The following BCAS3 variants were observed in gnomAD, a reference collection of about 807,000 sequenced individuals.
BCAS3 encodes BCAS4/BCAS3 fusion.
BCAS3 carries 53 observed loss-of-function variants against 116.1 expected under a neutral mutation model. The ratio of observed to expected loss-of-function variants is 0.46; its 90% CI spans 0.37 to 0.57. The LOEUF is 0.57. Ranked by LOEUF, BCAS3 falls within the 20% of genes least tolerant of loss-of-function variation. The probability of loss-of-function intolerance (pLI) is 0.00; values close to 1 mark genes in which losing one functional copy is unlikely to be tolerated. For missense variants in BCAS3, 917 were observed against 1,165.4 expected, an observed-to-expected ratio of 0.79 and a Z score of 3.10; for synonymous variants, 391 against 408.2, an observed-to-expected ratio of 0.96 and a Z score of 0.51.
Position 61,074,990 on chromosome 17 carries a change from T to G in BCAS3, c.2100T>G (p.Ser700Arg). Reference sequence around the variant, plus strand: ...ACGACAGTTTAGCTTCTGACCATAGTGGACAGGAAGATGAAGAATGGCTTT... The same window carrying G: ...ACGACAGTTTAGCTTCTGACCATAGGGGACAGGAAGATGAAGAATGGCTTT... ...GSYDSLASDH[S>R]GQEDEEWLSQ... is the part of the protein sequence containing the mutation. Residue 700 changes from serine (S) to arginine (R), a missense_variant, in exon 20 of 24, where the codon AGT becomes AGG. By Grantham distance (110) the Ser-to-Arg change is moderately radical. Coordinates refer to ENST00000407086, the MANE Select transcript of BCAS3 (RefSeq NM_017679.5). The G allele has an allele frequency of 6.2e-7, 1 of 1,613,270 alleles. No individual in the cohort carries two copies. The highest frequency in any genetic ancestry group is 8.5e-7 in the Non-Finnish European group (1 of 1,179,390).
intron 7 of BCAS3, chr17:60,811,031 T>C: frequency 1.5e-6 from 1 of 654,566 alleles, no homozygotes; most frequent in Admixed American, 1.9e-5. Context: ...TCTGCCGAGG[T>C]TGGAGCTGCT....
At chr17:60,820,091 G>A (rs1171690928) in intron 7 of BCAS3, among the ~76,000 whole-genome samples, 1 of 150,282 alleles carries the variant, frequency 6.7e-6, no homozygotes, top group Non-Finnish European at 1.5e-5. Context: ...TTTTTTCTGA[G>A]GCAGAGTCTC....
rs1003927228 is a variant in BCAS3, at chr17:61,020,821, T to C, written c.1637+4920T>C. On this transcript the variant is annotated intron_variant, in intron 16 of 23. Transcript: ENST00000407086. The surrounding 1 kb of genome is among the most constrained non-coding windows in gnomAD (Gnocchi z 4.5). Reference sequence around the variant, plus strand: ...AAAATTATTTATATTTCCAAATTATTTTATGGACACAAGCAGAGAACAGTA... The same window carrying C: ...AAAATTATTTATATTTCCAAATTATCTTATGGACACAAGCAGAGAACAGTA... Among the ~76,000 whole-genome samples, 2 of 152,214 alleles carry C rather than the reference T, an allele frequency of 1.3e-5. No homozygotes were observed.
At chr17:61,064,040 A>G (rs748428190) in intron 19 of BCAS3, among the ~76,000 whole-genome samples, 3 of 152,144 alleles carry the variant, frequency 2.0e-5, no homozygotes, top group East Asian at 1.9e-4. Context: ...TTTTCCATGA[A>G]CTTTTTGAAG....
chr17:60,693,065 AG>A (rs1293929420), intron 4 of BCAS3, among the ~76,000 whole-genome samples: 2 of 151,728 alleles, frequency 1.3e-5, no homozygotes, highest in Admixed American at 6.6e-5. Flanking sequence ...TAGGAGAAAC[AG>A]GGTTTCACCA....
chr17:60,820,229 G>A (rs552231417), intron 7 of BCAS3, among the ~76,000 whole-genome samples: 26 of 151,980 alleles, frequency 1.7e-4, no homozygotes, highest in Admixed American at 1.4e-3. Flanking sequence ...CACCACGCCC[G>A]GCTAATTTTT....
chr17:60,803,075 G>T (rs2047961494), intron 6 of BCAS3, among the ~76,000 whole-genome samples: 1 of 152,210 alleles, frequency 6.6e-6, no homozygotes, highest in South Asian at 2.1e-4. Flanking sequence ...AGGTTCTGGT[G>T]CTAGTGTCCT....
At chr17:60,805,646 G>A (rs540541738) in intron 6 of BCAS3, among the ~76,000 whole-genome samples, 2 of 152,062 alleles carry the variant, frequency 1.3e-5, no homozygotes, top group South Asian at 2.1e-4. Flanking sequence ...TGGGCAACAC[G>A]GTGAAACCCC....
intron 22 of BCAS3, among the ~76,000 whole-genome samples, chr17:61,319,574 T>C (rs1054541875): frequency 6.6e-6 from 1 of 152,016 alleles, no homozygotes; most frequent in African/African-American, 2.4e-5. Context: ...TTTTTTTTTT[T>C]CAATATATCA....
chr17:60,697,422 A>C (rs1360093215), intron 4 of BCAS3, among the ~76,000 whole-genome samples: 2 of 151,686 alleles, frequency 1.3e-5, no homozygotes, highest in Non-Finnish European at 2.9e-5. Flanking sequence ...AAATAAATAA[A>C]TAACTAAAAA....
At chr17:61,341,179 C>T (rs185286851) in intron 22 of BCAS3, among the ~76,000 whole-genome samples, 39 of 152,180 alleles carry the variant, frequency 2.6e-4, no homozygotes, top group African/African-American at 8.7e-4. Context: ...CAGACTGTAA[C>T]AAGAAGGGGC....
intron 16 of BCAS3, among the ~76,000 whole-genome samples, chr17:61,030,634 TC>T (rs1412615382): frequency 3.3e-5 from 5 of 152,090 alleles, no homozygotes; most frequent in African/African-American, 1.2e-4. Flanking sequence ...AGAGTTAAAC[TC>T]CTGATTTTTA....
intron 4 of BCAS3, among the ~76,000 whole-genome samples, chr17:60,707,997 T>G (rs758694154): frequency 2.1e-4 from 32 of 152,114 alleles, no homozygotes; most frequent in South Asian, 6.2e-4. Context: ...TCAGAACGAT[T>G]TGGTGCTTAT....
At chr17:60,808,414 G>T (rs758788416) in intron 7 of BCAS3, among the ~76,000 whole-genome samples, 3 of 152,196 alleles carry the variant, frequency 2.0e-5, no homozygotes, top group Non-Finnish European at 2.9e-5. Flanking sequence ...GGTTTTGTTA[G>T]TAAGGAAAAT....
intron 6 of BCAS3, among the ~76,000 whole-genome samples, chr17:60,748,457 T>G (rs1226500798): frequency 6.6e-6 from 1 of 152,222 alleles, no homozygotes; most frequent in Non-Finnish European, 1.5e-5. Context: ...TCTCTTGTTC[T>G]GTTTTTTGTT....
intron 19 of BCAS3, among the ~76,000 whole-genome samples, chr17:61,070,604 A>G (rs1482821503): frequency 6.6e-6 from 1 of 151,874 alleles, no homozygotes; most frequent in Non-Finnish European, 1.5e-5. Flanking sequence ...AATATATGCT[A>G]TATAAAAAGA....
intron 7 of BCAS3, among the ~76,000 whole-genome samples, chr17:60,849,474 G>T (rs1172189484): frequency 4.0e-5 from 6 of 151,896 alleles, no homozygotes; most frequent in African/African-American, 1.5e-4. Flanking sequence ...ACTTGGTTGG[G>T]TGTTTATTAT....
intron 5 of BCAS3, among the ~76,000 whole-genome samples, chr17:60,744,306 A>G (rs910431443): frequency 1.3e-5 from 2 of 152,194 alleles, no homozygotes; most frequent in Admixed American, 1.3e-4. Context: ...TCTTTTCTTA[A>G]AACCTAAAAA....
chr17:61,289,208 C>T (rs12603402), intron 22 of BCAS3, among the ~76,000 whole-genome samples: 7,722 of 152,286 alleles, frequency 0.051, 236 homozygotes, highest in African/African-American at 0.057. Context: ...TGTACCCCCG[C>T]GACTCAGCTG....
Sources: gnomAD v4.1 joint callset for allele counts (sites outside exome capture counted in the v4.1 genomes callset) on GRCh38, gnomAD v4.1.1 for gene constraint, Gnocchi (gnomAD v3.1) non-coding constraint, MANE v1.5 for transcripts, NCBI Gene and HGNC (gene_info 2026-07-23, HGNC 2026-07-21) for gene names.